The following ESR1 variants were observed in gnomAD, a reference collection of about 807,000 sequenced individuals.
ESR1 encodes the protein estrogen receptor 1.
A neutral mutation model predicts 52.7 loss-of-function variants in ESR1; 12 were observed. The ratio of observed to expected loss-of-function variants is 0.23; its 90% CI spans 0.15 to 0.37. ESR1 has a LOEUF of 0.37. Among genes scored for constraint, ESR1 ranks in the 10% least tolerant of loss-of-function variants. The probability of loss-of-function intolerance (pLI) is 1.00; values close to 1 mark genes in which losing one functional copy is unlikely to be tolerated. For synonymous variants in ESR1, 305 were observed against 316.8 expected, an observed-to-expected ratio of 0.96 and a Z score of 0.39; for missense variants, 584 against 779.7, an observed-to-expected ratio of 0.75 and a Z score of 2.99.
At chr6:151,737,607 A>G (rs1204887799) in intron 2 of ESR1, among the ~76,000 whole-genome samples, 1 of 152,164 alleles carries the variant, frequency 6.6e-6, no homozygotes, top group Non-Finnish European at 1.5e-5. Flanking sequence ...GCAGTGGAAA[A>G]TGAGTGCACC....
intron 3 of ESR1, among the ~76,000 whole-genome samples, chr6:151,921,143 TCTCATTGTTCAG>T (rs1309710282): frequency 6.6e-6 from 1 of 152,108 alleles, no homozygotes; most frequent in Non-Finnish European, 1.5e-5. Context: ...GTCCATGTGT[TCTCATTGTTCAG>T]CTCCCACTTC....
chr6:151,813,576 A>G (rs1779160127), intron 1 of ESR1: 1 of 152,210 alleles, frequency 6.6e-6, no homozygotes, highest in African/African-American at 2.4e-5. Context: ...TACCAATAAT[A>G]TTAGAAACTT....
chr6:151,713,078 T>C (rs576256892), intron 2 of ESR1, among the ~76,000 whole-genome samples: 1 of 152,218 alleles, frequency 6.6e-6, no homozygotes, highest in South Asian at 2.1e-4. Context: ...AGGCCTTTTT[T>C]TCATCTATTG....
intron 5 of ESR1, among the ~76,000 whole-genome samples, chr6:152,057,393 G>T (rs2047185058): frequency 6.6e-6 from 1 of 152,120 alleles, no homozygotes; most frequent in Non-Finnish European, 1.5e-5. Context: ...GCAAATAGTG[G>T]ATTCACTAAA....
chr6:152,011,581 T>A (rs2128777203), intron 4 of ESR1, 75 bp from the exon 5 acceptor site: 1 of 1,557,876 alleles, frequency 6.4e-7, no homozygotes, highest in South Asian at 1.1e-5. Flanking sequence ...TCAGTTCAAA[T>A]CCCTGTTGCA....
intron 7 of ESR1, among the ~76,000 whole-genome samples, chr6:152,097,746 T>C (rs1429259319): frequency 6.6e-5 from 10 of 152,014 alleles, no homozygotes; most frequent in African/African-American, 1.2e-4. Context: ...CGCTGCCCAT[T>C]TCCCCCCTTG....
At chr6:151,938,442 A>G (rs571950166) in intron 3 of ESR1, among the ~76,000 whole-genome samples, 1 of 152,338 alleles carries the variant, frequency 6.6e-6, no homozygotes, top group African/African-American at 2.4e-5. Context: ...ATGCCTCATT[A>G]GGCATTTGAC....
At chr6:152,079,426 A>C (rs2049011862) in intron 6 of ESR1, among the ~76,000 whole-genome samples, 1 of 152,218 alleles carries the variant, frequency 6.6e-6, no homozygotes, top group Admixed American at 6.5e-5. Context: ...ACTAACAAAC[A>C]GAAAGGAATA....
intron 4 of ESR1, among the ~76,000 whole-genome samples, chr6:151,972,763 G>T (rs1274971960): frequency 6.6e-6 from 1 of 152,140 alleles, no homozygotes; most frequent in Non-Finnish European, 1.5e-5. Context: ...TCACAAGGTT[G>T]GGTTCCGCAA....
intron 3 of ESR1, among the ~76,000 whole-genome samples, chr6:151,937,308 A>G (rs985050963): frequency 1.3e-5 from 2 of 152,224 alleles, no homozygotes; most frequent in African/African-American, 2.4e-5. Context: ...AAACCTCAAC[A>G]GCACTACCTC....
chr6:151,983,203 A>C (rs756764815), intron 4 of ESR1, among the ~76,000 whole-genome samples: 11 of 152,164 alleles, frequency 7.2e-5, no homozygotes, highest in Non-Finnish European at 1.5e-4. Context: ...CGGGAAGTTA[A>C]GAATGGGATC....
chr6:152,011,550 T>C, intron 4 of ESR1, 106 bp from the exon 5 acceptor site: 1 of 1,238,040 alleles, frequency 8.1e-7, no homozygotes, highest in South Asian at 1.2e-5. Context: ...ATTTACTCCA[T>C]CTAGTAGAAA....
chr6:151,929,453 T>C (rs1562559480), intron 3 of ESR1, among the ~76,000 whole-genome samples: 1 of 152,152 alleles, frequency 6.6e-6, no homozygotes, highest in Non-Finnish European at 1.5e-5. Context: ...TCAGAGTTAT[T>C]ACATTTAAAG....
chr6:151,801,933 C>G (rs1426005812), upstream of ESR1, among the ~76,000 whole-genome samples: 1 of 152,174 alleles, frequency 6.6e-6, no homozygotes, highest in Non-Finnish European at 1.5e-5. Context: ...CCATAGAGAT[C>G]ATAGATTTAT....
chr6:151,756,816 C>A (rs1330818697), intron 2 of ESR1, among the ~76,000 whole-genome samples: 1 of 151,906 alleles, frequency 6.6e-6, no homozygotes, highest in African/African-American at 2.4e-5. Context: ...ATGGTGAAAC[C>A]CCGTCTCTAT....
intron 1 of ESR1, among the ~76,000 whole-genome samples, chr6:151,814,767 T>C (rs1779356961): frequency 6.6e-6 from 1 of 152,236 alleles, no homozygotes; most frequent in Non-Finnish European, 1.5e-5. Context: ...GCTTAGACTA[T>C]ATAAAGTGTG....
chr6:152,042,906 C>A (rs1051474248), intron 5 of ESR1, among the ~76,000 whole-genome samples: 1 of 152,136 alleles, frequency 6.6e-6, no homozygotes, highest in Non-Finnish European at 1.5e-5. Context: ...CCACTTGGCC[C>A]ATGCCACCTC....
chr6:151,810,433 T>A (rs1778629159), intron 1 of ESR1, among the ~76,000 whole-genome samples: 1 of 152,230 alleles, frequency 6.6e-6, no homozygotes, highest in African/African-American at 2.4e-5. Context: ...CTATGCAAGT[T>A]CTTCATATGG....
chr6:151,807,475 A>C, upstream of ESR1: 1 of 245,310 alleles, frequency 4.1e-6, no homozygotes, highest in Non-Finnish European at 8.2e-6. Flanking sequence ...CTGGCCGTGA[A>C]ACTCAGCCTC....
Sources: allele counts gnomAD v4.1 joint callset (sites outside exome capture counted in the v4.1 genomes callset), GRCh38; gene constraint gnomAD v4.1.1; transcripts MANE v1.5; gene names NCBI Gene and HGNC (gene_info 2026-07-23, HGNC 2026-07-21).